The following DNAJC3 variants were observed in gnomAD, a reference collection of about 807,000 sequenced individuals.
The protein encoded by DNAJC3 is DnaJ heat shock protein family (Hsp40) member C3.
In DNAJC3, 38 loss-of-function variants were observed where a neutral mutation model predicts 68.6. The observed-to-expected ratio is 0.55, with a 90% CI of 0.43 to 0.73. DNAJC3 has a LOEUF of 0.73. Ranked by LOEUF, DNAJC3 falls within the 30% of genes least tolerant of loss-of-function variation. The pLI is 0.00. For synonymous variants in DNAJC3, 203 were observed against 204.0 expected, an observed-to-expected ratio of 1.00 and a Z score of 0.04; for missense variants, 526 against 591.9, an observed-to-expected ratio of 0.89 and a Z score of 1.16.
intron 3 of DNAJC3, 36 bp from the exon 4 acceptor site, chr13:95,725,142 A>G: frequency 7.2e-7 from 1 of 1,379,344 alleles, no homozygotes; most frequent in Non-Finnish European, 9.8e-7. Flanking sequence ...GAAATCTATA[A>G]TATTCAAGAT....
chr13:95,695,011 A>G (rs1454512216), intron 1 of DNAJC3: 1 of 152,400 alleles, frequency 6.6e-6, no homozygotes, highest in African/African-American at 2.4e-5. Context: ...AGTAATTACA[A>G]ATCTATTATC....
chr13:95,694,572 A>G (rs1429625324), intron 1 of DNAJC3: 1 of 152,614 alleles, frequency 6.6e-6, no homozygotes, highest in Admixed American at 6.5e-5. Flanking sequence ...AACACTAATG[A>G]TTAATATACA....
intron 9 of DNAJC3, among the ~76,000 whole-genome samples, chr13:95,767,864 CT>C (rs986115021): frequency 3.5e-5 from 5 of 142,734 alleles, no homozygotes; most frequent in African/African-American, 2.6e-5. Flanking sequence ...TTTTTTTTTT[CT>C]TTTTTTTTTC....
intron 1 of DNAJC3, among the ~76,000 whole-genome samples, chr13:95,690,753 C>A (rs962213121): frequency 6.9e-6 from 1 of 145,700 alleles, no homozygotes; most frequent in African/African-American, 2.6e-5. Flanking sequence ...CAGAGGCGCC[C>A]CTCACTTTCC....
At position 95,751,233 on chromosome 13, in the gene DNAJC3, CTAATT is replaced by C. The variant is rs576520919; in HGVS notation, c.394-6407_394-6403del. 2.1e-3 allele frequency among the ~76,000 whole-genome samples: 318 copies of C among 152,268 alleles called. 5 individuals are homozygous for C. Among genetic ancestry groups the C allele is most frequent in the African/African-American group, 7.3e-3 (303 of 41,568 alleles). Reference sequence around the variant, plus strand: ...CCAGAGTGACAGAGGGAGACCCTGTCTAATTTAACAAAAAAGACATATATTCTGCT... The same window carrying C: ...CCAGAGTGACAGAGGGAGACCCTGTCTAACAAAAAAGACATATATTCTGCT... On this transcript the variant is annotated intron_variant, in intron 4 of 11. Coordinates refer to ENST00000602402, the MANE Select transcript of DNAJC3 (RefSeq NM_006260.5).
chr13:95,729,092 A>G (rs1212843610), intron 4 of DNAJC3, among the ~76,000 whole-genome samples: 2 of 152,000 alleles, frequency 1.3e-5, no homozygotes, highest in Non-Finnish European at 2.9e-5. Flanking sequence ...TATTTCACTA[A>G]TAACCTCCAG....
At chr13:95,741,993 C>CT (rs1882159388) in intron 4 of DNAJC3, among the ~76,000 whole-genome samples, 2 of 152,110 alleles carry the variant, frequency 1.3e-5, no homozygotes, top group Non-Finnish European at 2.9e-5. Context: ...GATCCCCAGA[C>CT]TTTCAGTGAA....
Position 95,787,101 on chromosome 13 carries a change from G to T in DNAJC3, c.1303G>T (p.Ala435Ser). 6.2e-7 allele frequency: 1 copy of T among 1,613,918 alleles called. No individual in the cohort carries two copies. The highest frequency in any genetic ancestry group is 8.5e-7 in the Non-Finnish European group (1 of 1,179,896). ...CCAGAATGAAGAAGAAAAGAAAAAAGCTGAGAAAAAGTTCATTGATATAGC... is the reference window on the plus strand; with the variant it reads ...CCAGAATGAAGAAGAAAAGAAAAAATCTGAGAAAAAGTTCATTGATATAGC... ...NFQNEEEKKKAEKKFIDIAAA... is the reference protein window; with the variant it reads ...NFQNEEEKKKSEKKFIDIAAA... The change falls in exon 11 of 12, where the codon GCT (alanine) becomes TCT (serine). Residue 435 changes from alanine to serine, a missense_variant. Coordinates refer to ENST00000602402, the MANE Select transcript of DNAJC3 (RefSeq NM_006260.5).
At chr13:95,743,041 T>G (rs1882196943) in intron 4 of DNAJC3, 2 of 363,754 alleles carry the variant, frequency 5.5e-6, no homozygotes, top group South Asian at 2.1e-5. Flanking sequence ...AGACTTTGTT[T>G]CTTTCATTGA....
At chr13:95,771,984 G>GAGC (rs17882908) in intron 9 of DNAJC3, among the ~76,000 whole-genome samples, 2,276 of 152,230 alleles carry the variant, frequency 0.015, 59 homozygotes, top group African/African-American at 0.052. Flanking sequence ...TATTGATGAA[G>GAGC]AGAAGTTGGC....
chr13:95,770,861 A>C (rs1021511989), intron 9 of DNAJC3, among the ~76,000 whole-genome samples: 2 of 152,232 alleles, frequency 1.3e-5, no homozygotes, highest in African/African-American at 4.8e-5. Flanking sequence ...CTTAAGGATG[A>C]ATATGCATAA....
chr13:95,790,719 G>A (rs1883742291), intron 11 of DNAJC3, among the ~76,000 whole-genome samples, 154 bp from the exon 12 acceptor site: 1 of 152,050 alleles, frequency 6.6e-6, no homozygotes, highest in African/African-American at 2.4e-5. Flanking sequence ...GTGGGAATGG[G>A]AGAGCCTGGA....
intron 9 of DNAJC3, among the ~76,000 whole-genome samples, chr13:95,780,677 G>A (rs763585727): frequency 1.3e-5 from 2 of 152,168 alleles, no homozygotes; most frequent in Non-Finnish European, 2.9e-5. Flanking sequence ...GTGATAGGCA[G>A]CAGGAGAATG....
At chr13:95,731,984 T>C (rs755804069) in intron 4 of DNAJC3, among the ~76,000 whole-genome samples, 40 of 151,412 alleles carry the variant, frequency 2.6e-4, no homozygotes, top group Non-Finnish European at 5.3e-4. Flanking sequence ...AAGAGATCCT[T>C]CCACCTTGGC....
intron 4 of DNAJC3, among the ~76,000 whole-genome samples, chr13:95,752,788 CTT>C (rs1882521160): frequency 6.6e-6 from 1 of 152,164 alleles, no homozygotes; most frequent in Non-Finnish European, 1.5e-5. Context: ...CTAGGTCACA[CTT>C]TGAGAATCAC....
At chr13:95,702,697 C>T (rs1050832756) in intron 1 of DNAJC3, among the ~76,000 whole-genome samples, 9 of 152,182 alleles carry the variant, frequency 5.9e-5, no homozygotes, top group Admixed American at 5.9e-4. Context: ...GACTTGCTAG[C>T]CTCTAGAACT....
chr13:95,717,980 A>G (rs1881205491), intron 2 of DNAJC3, among the ~76,000 whole-genome samples: 1 of 152,156 alleles, frequency 6.6e-6, no homozygotes, highest in Admixed American at 6.6e-5. Context: ...TTTTCTCCAG[A>G]TAGTAGTTGT....
At chr13:95,716,767 T>G (rs1001951191) in intron 2 of DNAJC3, among the ~76,000 whole-genome samples, 25 of 152,318 alleles carry the variant, frequency 1.6e-4, no homozygotes, top group Non-Finnish European at 3.4e-4. Flanking sequence ...TATGCTCTTC[T>G]TCTCCTCTAG....
At chr13:95,780,707 G>A (rs1594027216) in intron 9 of DNAJC3, among the ~76,000 whole-genome samples, 1 of 152,204 alleles carries the variant, frequency 6.6e-6, no homozygotes, top group East Asian at 1.9e-4. Context: ...CATGGGACAT[G>A]TTTATATTGG....
Sources: allele counts gnomAD v4.1 joint callset (sites outside exome capture counted in the v4.1 genomes callset), GRCh38; gene constraint gnomAD v4.1.1; transcripts MANE v1.5; gene names NCBI Gene and HGNC (gene_info 2026-07-23, HGNC 2026-07-21).